GP6: variants seen among roughly 807,000 people sequenced by gnomAD.
The protein encoded by GP6 is glycoprotein VI platelet, also known as platelet glycoprotein VI.
Under a neutral mutation model 37.3 loss-of-function variants are expected in GP6, and 45 were observed. The observed-to-expected ratio is 1.21, with a 90% CI of 0.95 to 1.55. GP6 has a LOEUF of 1.55. Among genes scored for constraint, GP6 ranks in the 40% most tolerant of loss-of-function variants. GP6 has a pLI of 0.00. For missense variants in GP6, 813 were observed against 760.2 expected, an observed-to-expected ratio of 1.07 and a Z score of -0.82; for synonymous variants, 340 against 316.4, an observed-to-expected ratio of 1.07 and a Z score of -0.79.
rs187257649 is a variant in GP6, at chr19:55,016,438, C to G, written c.725-705G>C. On this transcript the variant is annotated intron_variant, in intron 6 of 7. Transcript: ENST00000310373. ...TCTCCCAGGCTGGAGTGCAGTGGCC[C>G]GATGTCGGCTCACTTCAACCTCCGC... is the stretch of plus-strand genomic sequence containing the variant. Among the ~76,000 whole-genome samples, 312 of 149,710 alleles carry G rather than the reference C, an allele frequency of 2.1e-3. 1 individual carries two copies. Among genetic ancestry groups the G allele is most frequent in the African/African-American group, 7.4e-3 (301 of 40,684 alleles).
In GP6 at chr19:55,036,073, T is replaced by A. The variant is rs868171497; in HGVS notation, c.34+2130A>T. 7.2e-3 allele frequency among the ~76,000 whole-genome samples: 972 copies of A among 135,200 alleles called. 6 individuals are homozygous for A. Among genetic ancestry groups the A allele is most frequent in the Middle Eastern group, 0.027 (7 of 264 alleles). 88.7% of individuals were successfully genotyped at this position (135,200 alleles called of 152,430 possible). A position where few individuals can be genotyped will look rare whatever the true frequency, so the allele number is the denominator to read the frequency against. On this transcript the variant is annotated intron_variant, in intron 1 of 7. Coordinates refer to ENST00000310373, the MANE Select transcript of GP6 (RefSeq NM_001083899.2). The stretch of plus-strand genomic sequence containing the variant: ...TGGTGAGAGAGCGAGATTCCGTCTT[T>A]AAAAAAAAAAAAAAAAAGTCTTTTG...
At chr19:55,025,069 T>A in intron 5 of GP6, 149 bp downstream of exon 5, 1 of 701,610 alleles carries the variant, frequency 1.4e-6, no homozygotes, top group Non-Finnish European at 2.6e-6. Flanking sequence ...CCCACCCTGT[T>A]TACAGGCAGA....
chr19:55,017,025 T>G (rs1671188), intron 6 of GP6, among the ~76,000 whole-genome samples: 83,540 of 151,570 alleles, frequency 0.55, 23,616 homozygotes, highest in East Asian at 0.74. Context: ...AGAGTGAGAC[T>G]CCGTCTCAAA....
At chr19:55,027,949 G>A in intron 3 of GP6, 87 bp from the exon 4 acceptor site, 1 of 1,387,986 alleles carries the variant, frequency 7.2e-7, no homozygotes, top group Non-Finnish European at 1.0e-6. Flanking sequence ...CCTAAGAGCT[G>A]GGGAGCTTTT....
intron 1 of GP6, among the ~76,000 whole-genome samples, chr19:55,034,294 T>A (rs148656985): frequency 6.6e-6 from 1 of 151,952 alleles, no homozygotes; most frequent in Non-Finnish European, 1.5e-5. Flanking sequence ...CGGTGGCTCA[T>A]GCCTATAATC....
At chr19:55,032,043 G>T in intron 3 of GP6, 96 bp downstream of exon 3, 2 of 1,268,110 alleles carry the variant, frequency 1.6e-6, no homozygotes, top group Non-Finnish European at 2.2e-6. Flanking sequence ...CCAGTGCCTC[G>T]TTTGCCTCAC....
intron 3 of GP6, among the ~76,000 whole-genome samples, chr19:55,030,105 C>A (rs1160708084): frequency 1.3e-5 from 2 of 152,094 alleles, no homozygotes; most frequent in African/African-American, 4.8e-5. Flanking sequence ...ATACTTTATT[C>A]CCCTGAAAGA....
At chr19:55,015,200 G>A in intron 7 of GP6, 35 bp from the exon 8 acceptor site, 12 of 1,550,758 alleles carry the variant, frequency 7.7e-6, no homozygotes, top group Non-Finnish European at 8.7e-6. Flanking sequence ...GCAGGTGAAA[G>A]AGCCCACCTC....
chr19:55,032,033 C>T (rs1353540714), intron 3 of GP6, 106 bp downstream of exon 3: 9 of 1,100,434 alleles, frequency 8.2e-6, no homozygotes, highest in Non-Finnish European at 1.1e-5. Context: ...ACCCGCTAGG[C>T]CAGTGCCTCG....
At chr19:55,021,190 C>G (rs1000737976) in intron 5 of GP6, among the ~76,000 whole-genome samples, 3 of 134,958 alleles carry the variant, frequency 2.2e-5, no homozygotes, top group Non-Finnish European at 4.7e-5. Flanking sequence ...AAAACCCCAT[C>G]TCTACTAAAA....
chr19:55,027,602 C>T lies in GP6; in HGVS notation c.586G>A (p.Asp196Asn), dbSNP rs779552982. The T allele has an allele frequency of 1.4e-5, 23 of 1,613,408 alleles. No homozygotes were observed. Among genetic ancestry groups the T allele is most frequent in the South Asian group, 6.6e-5 (6 of 91,080 alleles). The change falls in exon 4 of 8, where the codon GAC becomes AAC. Residue 196 changes from aspartate to asparagine, a missense_variant. Coordinates refer to ENST00000310373, the MANE Select transcript of GP6 (RefSeq NM_001083899.2). ...CCTGTGACCACAAGCTCCAGGGGGT[C>T]GCTGGGGGCTGACCACAGGTATGGG...
At chr19:55,030,822 GATATA>G (rs1264042168) in intron 3 of GP6, among the ~76,000 whole-genome samples, 1 of 152,132 alleles carries the variant, frequency 6.6e-6, no homozygotes, top group Non-Finnish European at 1.5e-5. Context: ...GAGTTTACTT[GATATA>G]ATATAGTTGT....
At position 55,029,315 on chromosome 19, in the gene GP6, CATATATATATATATATATATATATAT is replaced by C. The variant is rs1207884451; in HGVS notation, c.326-1479_326-1454del. On this transcript the variant is annotated intron_variant, in intron 3 of 7. Coordinates refer to ENST00000310373, the MANE Select transcript of GP6 (RefSeq NM_001083899.2). ...TGTCACCCAGGCTGGAGTGCAATGG[CATATATATATATATATATATATATAT>C]ATATATATATATATATATATATATA... Among the ~76,000 whole-genome samples, 457 of 75,636 alleles carry C rather than the reference CATATATATATATATATATATATATAT, an allele frequency of 6.0e-3. 16 individuals carry two copies. Among genetic ancestry groups the C allele is most frequent in the Admixed American group, 8.7e-3 (46 of 5,284 alleles). The allele number at this position is 75,636 out of a possible 152,430, so 49.6% of individuals were successfully genotyped here.
chr19:55,029,353 TA>T (rs2074459560), intron 3 of GP6, among the ~76,000 whole-genome samples: 1 of 3,340 alleles, frequency 3.0e-4, no homozygotes, highest in Non-Finnish European at 5.3e-4. Flanking sequence ...TATATATATA[TA>T]TATATATATA....
intron 1 of GP6, among the ~76,000 whole-genome samples, 158 bp downstream of exon 1, chr19:55,038,045 T>G (rs1333760429): frequency 6.6e-6 from 1 of 152,182 alleles, no homozygotes; most frequent in African/African-American, 2.4e-5. Context: ...AAATGCCAGC[T>G]CGCTGGCCCC....
chr19:55,034,423 G>A (rs79947053), intron 1 of GP6, among the ~76,000 whole-genome samples: 5,794 of 151,984 alleles, frequency 0.038, 220 homozygotes, highest in East Asian at 0.15. Context: ...GGGCATGGTG[G>A]CACGTGCCTG....
chr19:55,015,238 C>T, intron 7 of GP6, 73 bp from the exon 8 acceptor site: 1 of 1,548,974 alleles, frequency 6.5e-7, no homozygotes, highest in Non-Finnish European at 8.7e-7. Context: ...CACATCTGGG[C>T]TTCTCAGAGA....
intron 5 of GP6, among the ~76,000 whole-genome samples, chr19:55,022,599 T>C (rs983800799): frequency 6.6e-6 from 1 of 152,204 alleles, no homozygotes; most frequent in Non-Finnish European, 1.5e-5. Flanking sequence ...TGATCCTATA[T>C]CTAGAAAACC....
intron 1 of GP6, among the ~76,000 whole-genome samples, chr19:55,037,335 ATTT>A (rs200634689): frequency 0.54 from 74,482 of 138,186 alleles, 19,348 homozygotes; most frequent in East Asian, 0.6. Context: ...CAATTCCACA[ATTT>A]TTTTTTTTTT....
Sources: gnomAD v4.1 joint callset for allele counts (sites outside exome capture counted in the v4.1 genomes callset) on GRCh38, gnomAD v4.1.1 for gene constraint, MANE v1.5 for transcripts, NCBI Gene and HGNC (gene_info 2026-07-23, HGNC 2026-07-21) for gene names.